Variants in MECOM observed in about 807,000 individuals in gnomAD.
MECOM encodes the protein histone-lysine N-methyltransferase MECOM.
MECOM carries 13 observed loss-of-function variants against 116.3 expected under a neutral mutation model. That is an observed-to-expected ratio of 0.11 (90% CI 0.07 to 0.18). MECOM has a LOEUF of 0.18. Among genes scored for constraint, MECOM ranks in the 10% least tolerant of loss-of-function variants. The pLI is 1.00. For synonymous variants in MECOM, 528 were observed against 535.2 expected (o/e 0.99, Z 0.19); for missense variants, 1,299 against 1,509.0 (o/e 0.86, Z 2.31).
chr3:169,578,642 A>T (rs1405109070), intron 1 of MECOM, among the ~76,000 whole-genome samples: 3 of 152,194 alleles, frequency 2.0e-5, no homozygotes, highest in Admixed American at 6.5e-5. Flanking sequence ...AAGTTAAACC[A>T]AAGTAAATAA....
intron 2 of MECOM, chr3:169,145,961 C>G (rs1305517101): frequency 1.4e-5 from 3 of 218,608 alleles, no homozygotes; most frequent in African/African-American, 2.2e-5. Flanking sequence ...TTAGCTTTCT[C>G]CAGAAACGTT....
At chr3:169,459,354 A>AT (rs1399889602) in intron 1 of MECOM, among the ~76,000 whole-genome samples, 4 of 152,190 alleles carry the variant, frequency 2.6e-5, no homozygotes, top group African/African-American at 9.6e-5. Flanking sequence ...CATACATGAG[A>AT]TTTTTAGGAA....
intron 1 of MECOM, among the ~76,000 whole-genome samples, chr3:169,526,365 A>G (rs1173083013): frequency 6.6e-6 from 1 of 152,140 alleles, no homozygotes; most frequent in African/African-American, 2.4e-5. Context: ...AGGTGGGAGG[A>G]GTTTGACATT....
Position 169,317,310 on chromosome 3 carries a change from TA to T in MECOM, c.375+63876del, listed in dbSNP as rs369632476. Among the ~76,000 whole-genome samples, 284 of 152,276 alleles carry T rather than the reference TA, an allele frequency of 1.9e-3. 3 individuals carry two copies. The highest frequency in any genetic ancestry group is 6.6e-3 in the African/African-American group (275 of 41,560). On this transcript the variant is annotated intron_variant, in intron 2 of 16. Transcript: ENST00000651503. ...AGTTTTCAGAAAGGTTAAATAGCTT[TA>T]AAAATGTGGCTGGAGGTTTTTTTCT... is the stretch of plus-strand genomic sequence containing the variant.
chr3:169,235,441 A>C (rs1753912492), intron 2 of MECOM, among the ~76,000 whole-genome samples: 1 of 152,136 alleles, frequency 6.6e-6, no homozygotes, highest in African/African-American at 2.4e-5. Flanking sequence ...AATGTCCCTA[A>C]GTCCCAAAGA....
chr3:169,127,872 A>G lies in MECOM; in HGVS notation c.802T>C (p.Cys268Arg). ...EIHTIQECKE[C>R]DQVFPDLQSL... ...TGCAAATCAGGAAAAACTTGGTCACATTCCTTACACTCCTGGATCGTGTGT... is the reference window on the plus strand; with the variant it reads ...TGCAAATCAGGAAAAACTTGGTCACGTTCCTTACACTCCTGGATCGTGTGT... Residue 268 changes from cysteine to arginine, a missense_variant, in exon 5 of 17, where the codon TGT becomes CGT. Cys to Arg is a radical substitution (Grantham distance 180, BLOSUM62 -3). Coordinates refer to ENST00000651503, the MANE Select transcript of MECOM (RefSeq NM_004991.4). 1 of 1,614,050 alleles carries G rather than the reference A, an allele frequency of 6.2e-7. No homozygotes were observed. Among genetic ancestry groups the G allele is most frequent in the Non-Finnish European group, 8.5e-7 (1 of 1,179,914 alleles).
intron 1 of MECOM, among the ~76,000 whole-genome samples, chr3:169,481,997 C>T (rs1382279924): frequency 6.6e-6 from 1 of 152,102 alleles, no homozygotes; most frequent in East Asian, 1.9e-4. Flanking sequence ...AGATCATGTT[C>T]TGAATCAGGA....
At chr3:169,590,063 T>G (rs898839564) in intron 1 of MECOM, among the ~76,000 whole-genome samples, 7 of 152,228 alleles carry the variant, frequency 4.6e-5, no homozygotes, top group Non-Finnish European at 8.8e-5. Context: ...TTGTTCCACA[T>G]CTGGACAAGA....
chr3:169,386,633 C>G (rs892257777), intron 1 of MECOM, among the ~76,000 whole-genome samples: 3 of 152,106 alleles, frequency 2.0e-5, no homozygotes. Context: ...AGCTGAACTA[C>G]TTCCATGGAT....
At chr3:169,450,251 T>G (rs1745328199) in intron 1 of MECOM, among the ~76,000 whole-genome samples, 1 of 152,166 alleles carries the variant, frequency 6.6e-6, no homozygotes, top group Non-Finnish European at 1.5e-5. Flanking sequence ...AGTGAAAAGC[T>G]TTGAAGACTG....
chr3:169,367,381 T>G (rs1350054889), intron 2 of MECOM, among the ~76,000 whole-genome samples: 1 of 151,894 alleles, frequency 6.6e-6, no homozygotes, highest in Non-Finnish European at 1.5e-5. Context: ...CAGAAGTTGA[T>G]GGACCTTAAA....
chr3:169,366,331 C>A lies in MECOM; in HGVS notation c.375+14856G>T, dbSNP rs1057093126. Among the ~76,000 whole-genome samples, 4 of 151,986 alleles carry A rather than the reference C, an allele frequency of 2.6e-5. No homozygotes were observed. In the East Asian group the frequency reaches 7.8e-4, roughly 30 times the overall value. On this transcript the variant is annotated intron_variant, in intron 2 of 16. Transcript: ENST00000651503. The stretch of plus-strand genomic sequence containing the variant: ...AACAGCACTCTAGGATGGCTTATAT[C>A]CCTTTGGAAACCAGGTCCAGGATTT...
In MECOM at chr3:169,149,933, CTCTGTGTG is replaced by C. The variant is rs1210827953; in HGVS notation, c.376-6109_376-6102del. Among the ~76,000 whole-genome samples, 187 of 116,190 alleles carry C rather than the reference CTCTGTGTG, an allele frequency of 1.6e-3. 2 individuals are homozygous for C. The Middle Eastern group carries it at 0.024, about 15-fold the overall frequency. The allele number at this position is 116,190 out of a possible 152,430, so 76.2% of individuals were successfully genotyped here. A position where few individuals can be genotyped will look rare whatever the true frequency, so the allele number is the denominator to read the frequency against. ...TAAATCTTAATCTCTCTTTCTCTCT[CTCTGTGTG>C]TGTGTGTGTGTGTGTGTGTGTGTGT... is the stretch of plus-strand genomic sequence containing the variant. On this transcript the variant is annotated intron_variant, in intron 2 of 16. Transcript: ENST00000651503.
chr3:169,594,470 A>C (rs1249057253), intron 1 of MECOM, among the ~76,000 whole-genome samples: 7 of 152,074 alleles, frequency 4.6e-5, no homozygotes, highest in African/African-American at 1.7e-4. Context: ...AGACCTGCAG[A>C]ATCAGAAATT....
intron 2 of MECOM, among the ~76,000 whole-genome samples, chr3:169,299,787 G>C (rs1193766373): frequency 1.3e-5 from 2 of 152,168 alleles, no homozygotes; most frequent in Non-Finnish European, 2.9e-5. Flanking sequence ...TGTACCTCAA[G>C]TTCTGATGCT....
intron 2 of MECOM, among the ~76,000 whole-genome samples, chr3:169,351,330 A>G (rs1272966787): frequency 6.6e-6 from 1 of 151,868 alleles, no homozygotes; most frequent in Non-Finnish European, 1.5e-5. Flanking sequence ...TCTACATAAA[A>G]AAGTATTGCA....
chr3:169,191,367 G>T (rs1383903087), intron 2 of MECOM, among the ~76,000 whole-genome samples: 1 of 151,840 alleles, frequency 6.6e-6, no homozygotes, highest in Non-Finnish European at 1.5e-5. Context: ...AGGGATGGGG[G>T]TGAAGGAAGA....
At chr3:169,493,254 T>C (rs1353628946) in intron 1 of MECOM, among the ~76,000 whole-genome samples, 1 of 152,200 alleles carries the variant, frequency 6.6e-6, no homozygotes, top group Non-Finnish European at 1.5e-5. Flanking sequence ...TTTGCAAATA[T>C]GGTTTATTTG....
chr3:169,294,071 A>G (rs1308236308), intron 2 of MECOM, among the ~76,000 whole-genome samples: 1 of 152,218 alleles, frequency 6.6e-6, no homozygotes, highest in Non-Finnish European at 1.5e-5. Context: ...TCTTAGAACA[A>G]CTATATGATT....
Sources: gnomAD v4.1 joint callset for allele counts (sites outside exome capture counted in the v4.1 genomes callset) on GRCh38, gnomAD v4.1.1 for gene constraint, MANE v1.5 for transcripts, NCBI Gene and HGNC (gene_info 2026-07-23, HGNC 2026-07-21) for gene names.